The following MEGF10 variants were observed in gnomAD, a reference collection of about 807,000 sequenced individuals.
The protein encoded by MEGF10 is multiple epidermal growth factor-like domains protein 10.
Under a neutral mutation model 147.5 loss-of-function variants are expected in MEGF10, and 86 were observed. The observed-to-expected ratio is 0.58, with a 90% CI of 0.49 to 0.70. The LOEUF (loss-of-function observed/expected upper bound fraction) is 0.70, where lower values mean the gene tolerates loss of function less well. Ranked by LOEUF, MEGF10 falls within the 30% of genes least tolerant of loss-of-function variation. MEGF10 has a pLI of 0.00. For missense variants in MEGF10, 1,329 were observed against 1,487.3 expected (o/e 0.89, Z 1.75); for synonymous variants, 478 against 525.5 (o/e 0.91, Z 1.24).
chr5:127,297,448 AAAC>A (rs777318969), intron 1 of MEGF10, among the ~76,000 whole-genome samples: 36 of 152,336 alleles, frequency 2.4e-4, no homozygotes, highest in Middle Eastern at 3.4e-3. Flanking sequence ...ATTAAAAAAA[AAAC>A]AACAACTGAG....
intron 2 of MEGF10, among the ~76,000 whole-genome samples, chr5:127,335,757 A>G (rs957098456): frequency 6.6e-6 from 1 of 152,020 alleles, no homozygotes; most frequent in African/African-American, 2.4e-5. Context: ...CCCTCAACCA[A>G]AAACTAAAAC....
intron 4 of MEGF10, among the ~76,000 whole-genome samples, chr5:127,364,965 T>A (rs1278423726): frequency 6.6e-6 from 1 of 152,192 alleles, no homozygotes; most frequent in Non-Finnish European, 1.5e-5. Flanking sequence ...AATTACCCAT[T>A]TTCCTGATCT....
chr5:127,284,745 A>G, the MEGF10 span, among the ~76,000 whole-genome samples: 1 of 152,112 alleles, frequency 6.6e-6, no homozygotes, highest in Non-Finnish European at 1.5e-5. Flanking sequence ...CCCCACTTCT[A>G]TTTTTTTAAG....
chr5:127,351,702 C>T lies in MEGF10; in HGVS notation c.319+11072C>T, dbSNP rs139328224. Among the ~76,000 whole-genome samples the T allele has an allele frequency of 3.0e-3, 460 of 152,274 alleles. 3 individuals carry two copies. Among genetic ancestry groups the T allele is most frequent in the African/African-American group, 0.011 (440 of 41,560 alleles). ...CCACCATCTCTTTGTCACATGCTCT[C>T]GCCAAGCTACAAGGGCATCTTTATT... On this transcript the variant is annotated intron_variant, in intron 4 of 24. Coordinates refer to ENST00000503335, the MANE Select transcript of MEGF10 (RefSeq NM_001256545.2).
rs182235134 is a variant in MEGF10, at chr5:127,442,535, A to G, written c.2363-463A>G. Reference sequence around the variant, plus strand: ...TTGCATCTTCCCCTATTCCTGGCTAATTCAATTGAGAATGTGCGTTTATGA... The same window carrying G: ...TTGCATCTTCCCCTATTCCTGGCTAGTTCAATTGAGAATGTGCGTTTATGA... On this transcript the variant is annotated intron_variant, in intron 18 of 24. Transcript: ENST00000503335. 1.3e-3 allele frequency among the ~76,000 whole-genome samples: 198 copies of G among 152,312 alleles called. 1 individual carries two copies. Among genetic ancestry groups the G allele is most frequent in the African/African-American group, 4.5e-3 (187 of 41,578 alleles).
chr5:127,414,620 G>T (rs1174010062), intron 9 of MEGF10, among the ~76,000 whole-genome samples: 2 of 152,128 alleles, frequency 1.3e-5, no homozygotes, highest in Non-Finnish European at 2.9e-5. Flanking sequence ...ATTTAACATT[G>T]TTCAGTGACT....
At chr5:127,310,297 T>C in intron 1 of MEGF10, among the ~76,000 whole-genome samples, 1 of 152,014 alleles carries the variant, frequency 6.6e-6, no homozygotes, top group East Asian at 1.9e-4. Context: ...GTAGGAGTTC[T>C]TTTTATATTG....
At chr5:127,420,258 T>G in intron 12 of MEGF10, 51 bp downstream of exon 12, 1 of 1,575,850 alleles carries the variant, frequency 6.3e-7, no homozygotes, top group Non-Finnish European at 8.6e-7. Context: ...GAACTGATGT[T>G]GTAAAGTTGG....
chr5:127,344,821 G>A (rs759614479), intron 4 of MEGF10, among the ~76,000 whole-genome samples: 3 of 152,148 alleles, frequency 2.0e-5, no homozygotes, highest in Non-Finnish European at 4.4e-5. Flanking sequence ...TTACACATGC[G>A]GTGATTCTGT....
At chr5:127,328,975 A>G (rs1259929334) in intron 1 of MEGF10, among the ~76,000 whole-genome samples, 4 of 152,218 alleles carry the variant, frequency 2.6e-5, no homozygotes, top group African/African-American at 9.6e-5. Flanking sequence ...CAGGGACAAT[A>G]AAAACTACTA....
At chr5:127,440,635 C>G in intron 17 of MEGF10, 104 bp from the exon 18 acceptor site, 3 of 1,205,818 alleles carry the variant, frequency 2.5e-6, no homozygotes, top group Non-Finnish European at 3.6e-6. Context: ...TCTCTGATGG[C>G]TCAGTGTCAT....
intron 5 of MEGF10, among the ~76,000 whole-genome samples, chr5:127,376,812 T>G: frequency 6.6e-6 from 1 of 152,192 alleles, no homozygotes; most frequent in East Asian, 1.9e-4. Context: ...TGCAGAACAT[T>G]TAGGTGACTT....
the MEGF10 span, among the ~76,000 whole-genome samples, chr5:127,240,499 A>G: frequency 6.6e-6 from 1 of 152,166 alleles, no homozygotes; most frequent in Non-Finnish European, 1.5e-5. Context: ...TAGAATTTTT[A>G]TCTTCATAGA....
intron 7 of MEGF10, among the ~76,000 whole-genome samples, chr5:127,401,709 C>T (rs917511062): frequency 6.6e-6 from 1 of 152,024 alleles, no homozygotes; most frequent in Admixed American, 6.6e-5. Flanking sequence ...AGCTATGAGC[C>T]CAAGTGATAC....
At chr5:127,312,828 T>C (rs1472340750) in intron 1 of MEGF10, among the ~76,000 whole-genome samples, 1 of 152,198 alleles carries the variant, frequency 6.6e-6, no homozygotes, top group African/African-American at 2.4e-5. Context: ...TAACTATAGC[T>C]TTCAATCTTA....
intron 24 of MEGF10, among the ~76,000 whole-genome samples, chr5:127,456,202 G>C (rs1273276012): frequency 6.6e-6 from 1 of 152,038 alleles, no homozygotes; most frequent in Admixed American, 6.6e-5. Context: ...CCATTTCCTG[G>C]TTCATTATAT....
At chr5:127,326,488 T>C (rs538908600) in intron 1 of MEGF10, among the ~76,000 whole-genome samples, 12 of 152,294 alleles carry the variant, frequency 7.9e-5, no homozygotes, top group African/African-American at 2.9e-4. Context: ...AGCAAACTAG[T>C]ATTTCCATGG....
At chr5:127,422,398 A>G (rs1765045378) in intron 12 of MEGF10, among the ~76,000 whole-genome samples, 1 of 151,982 alleles carries the variant, frequency 6.6e-6, no homozygotes, top group Non-Finnish European at 1.5e-5. Context: ...GCAGGTGCCT[A>G]TAGTCCCAGC....
At chr5:127,339,288 A>C (rs1761587186) in intron 3 of MEGF10, 67 bp downstream of exon 3, 1 of 1,089,918 alleles carries the variant, frequency 9.2e-7, no homozygotes, top group Non-Finnish European at 1.4e-6. Context: ...CAGAGATATT[A>C]ATGACAGCAG....
Sources: gnomAD v4.1 joint callset for allele counts (sites outside exome capture counted in the v4.1 genomes callset) on GRCh38, gnomAD v4.1.1 for gene constraint, MANE v1.5 for transcripts, NCBI Gene and HGNC (gene_info 2026-07-23, HGNC 2026-07-21) for gene names.